Variants in SGMS1 observed in about 807,000 individuals in gnomAD.
SGMS1 encodes phosphatidylcholine:ceramide cholinephosphotransferase 1.
A neutral mutation model predicts 46.2 loss-of-function variants in SGMS1; 13 were observed. The ratio of observed to expected loss-of-function variants is 0.28; its 90% CI spans 0.18 to 0.45. The LOEUF is 0.45. Among genes scored for constraint, SGMS1 ranks in the 20% least tolerant of loss-of-function variants. The pLI, the probability that SGMS1 is intolerant of heterozygous loss-of-function variation, is 1.00. For synonymous variants in SGMS1, 203 were observed against 187.8 expected (o/e 1.08, Z -0.66); for missense variants, 324 against 519.9 (o/e 0.62, Z 3.66).
intron 6 of SGMS1, among the ~76,000 whole-genome samples, chr10:50,410,037 A>G (rs1031200979): frequency 6.6e-6 from 1 of 152,206 alleles, no homozygotes; most frequent in Non-Finnish European, 1.5e-5. Flanking sequence ...AATTTAAATG[A>G]GAATTATAGG....
intron 2 of SGMS1, among the ~76,000 whole-genome samples, chr10:50,552,677 GC>G (rs1204860351): frequency 1.3e-5 from 2 of 152,206 alleles, no homozygotes; most frequent in Non-Finnish European, 2.9e-5. Flanking sequence ...GCTAAATAGT[GC>G]CCCGTCCCCC....
At chr10:50,521,932 C>A (rs779219693) in intron 2 of SGMS1, among the ~76,000 whole-genome samples, 7 of 152,160 alleles carry the variant, frequency 4.6e-5, no homozygotes, top group Non-Finnish European at 1.0e-4. Context: ...AACAAGTAAT[C>A]TGTGGGAAGA....
At chr10:50,516,961 C>T (rs1837812116) in intron 3 of SGMS1, among the ~76,000 whole-genome samples, 2 of 151,966 alleles carry the variant, frequency 1.3e-5, no homozygotes, top group Admixed American at 1.3e-4. Flanking sequence ...TTGGAGTTGC[C>T]CTGGAGGTAA....
intron 6 of SGMS1, among the ~76,000 whole-genome samples, chr10:50,354,543 T>G (rs2133391597): frequency 6.6e-6 from 1 of 152,316 alleles, no homozygotes; most frequent in Middle Eastern, 3.4e-3. Flanking sequence ...AAGAACTTCA[T>G]GTCTAAAACA....
At chr10:50,406,704 C>CTTTTTTTTTTTTTTTTTTTT (rs11424535) in intron 6 of SGMS1, among the ~76,000 whole-genome samples, 1 of 145,034 alleles carries the variant, frequency 6.9e-6, no homozygotes. Flanking sequence ...AGCTATAATT[C>CTTTTTTTTTTTTTTTTTTTT]TTTTTTTTTT....
intron 6 of SGMS1, among the ~76,000 whole-genome samples, chr10:50,381,835 G>T (rs2133476971): frequency 6.6e-6 from 1 of 152,230 alleles, no homozygotes; most frequent in South Asian, 2.1e-4. Context: ...TACCACTCAG[G>T]GGGTTTAACT....
intron 1 of SGMS1, among the ~76,000 whole-genome samples, chr10:50,617,699 A>G (rs1838810789): frequency 6.6e-6 from 1 of 152,024 alleles, no homozygotes; most frequent in Admixed American, 6.6e-5. Context: ...CTCCCACCTC[A>G]GTCTCCCGAG....
chr10:50,603,020 G>A (rs1412569898), intron 1 of SGMS1, among the ~76,000 whole-genome samples: 1 of 152,248 alleles, frequency 6.6e-6, no homozygotes, highest in Non-Finnish European at 1.5e-5. Context: ...TTCTCAGCCA[G>A]TCTAGGCTGT....
rs867961275 is a variant in SGMS1 at position 50,580,622 on chromosome 10, A to C, written c.-589+9531T>G. Among the ~76,000 whole-genome samples the C allele has an allele frequency of 5.3e-5, 8 of 152,302 alleles. 1 individual carries two copies. The South Asian group carries it at 1.0e-3, about 20-fold the overall frequency. On this transcript the variant is annotated intron_variant, in intron 2 of 10. Transcript: ENST00000361781. ...TGGGCAACTATAGGGAGAGAGCCAA[A>C]TTGAGTTTTGGAGTTCAGTGGCTCT...
intron 5 of SGMS1, among the ~76,000 whole-genome samples, chr10:50,455,971 C>A (rs148997869): frequency 1.3e-5 from 2 of 152,108 alleles, no homozygotes; most frequent in Non-Finnish European, 2.9e-5. Flanking sequence ...TCTATGGAAA[C>A]CACTATCATA....
At chr10:50,309,436 A>G (rs1162180208) in intron 9 of SGMS1, among the ~76,000 whole-genome samples, 2 of 152,204 alleles carry the variant, frequency 1.3e-5, no homozygotes, top group African/African-American at 4.8e-5. Flanking sequence ...AGAGCTAGTA[A>G]GTGATAGTAC....
rs143365218 is a variant in SGMS1, at chr10:50,388,543, G to A, written c.-231-44198C>T. ...GCCTGTAATCCTAGATACTCAGGAG[G>A]CAGAGGCTGCAGCGAGCTAAGTTCG... On this transcript the variant is annotated intron_variant, in intron 6 of 10. Transcript: ENST00000361781. Among the ~76,000 whole-genome samples the A allele has an allele frequency of 3.0e-4, 45 of 150,942 alleles. No individual in the cohort carries two copies. The East Asian group carries it at 7.8e-3, about 26-fold the overall frequency.
At chr10:50,438,710 C>T (rs1045711214) in intron 5 of SGMS1, among the ~76,000 whole-genome samples, 2 of 152,200 alleles carry the variant, frequency 1.3e-5, no homozygotes, top group Non-Finnish European at 2.9e-5. Context: ...ACATGTCCTT[C>T]TGAGAGAGGA....
intron 2 of SGMS1, among the ~76,000 whole-genome samples, chr10:50,542,547 T>C (rs1838062814): frequency 6.6e-6 from 1 of 151,346 alleles, no homozygotes; most frequent in Non-Finnish European, 1.5e-5. Flanking sequence ...ATGAATAACA[T>C]AAGTCCAAAT....
At chr10:50,515,195 T>C (rs1334966775) in intron 3 of SGMS1, among the ~76,000 whole-genome samples, 1 of 152,206 alleles carries the variant, frequency 6.6e-6, no homozygotes, top group East Asian at 1.9e-4. Flanking sequence ...AGGAACACGA[T>C]TGTGACTAAA....
chr10:50,330,714 CA>C (rs1295307637), intron 7 of SGMS1, among the ~76,000 whole-genome samples: 1 of 152,038 alleles, frequency 6.6e-6, no homozygotes, highest in Non-Finnish European at 1.5e-5. Context: ...AACTAAGCAA[CA>C]ATTCAAAACT....
At chr10:50,621,639 G>A (rs1838850935) in intron 1 of SGMS1, among the ~76,000 whole-genome samples, 1 of 152,220 alleles carries the variant, frequency 6.6e-6, no homozygotes, top group East Asian at 1.9e-4. Flanking sequence ...GTGTCCCTCT[G>A]ATGTCAATTT....
intron 2 of SGMS1, among the ~76,000 whole-genome samples, chr10:50,541,170 A>G (rs550761355): frequency 6.6e-6 from 1 of 152,326 alleles, no homozygotes; most frequent in African/African-American, 2.4e-5. Flanking sequence ...AGATCCAAAC[A>G]AAACACTAAT....
At chr10:50,322,246 T>C (rs1847457212) in intron 8 of SGMS1, among the ~76,000 whole-genome samples, 1 of 152,228 alleles carries the variant, frequency 6.6e-6, no homozygotes, top group Admixed American at 6.5e-5. Flanking sequence ...TCAAAGGTTT[T>C]CAAATCTAAG....
Sources: allele counts gnomAD v4.1 joint callset (sites outside exome capture counted in the v4.1 genomes callset), GRCh38; gene constraint gnomAD v4.1.1; transcripts MANE v1.5; gene names NCBI Gene and HGNC (gene_info 2026-07-23, HGNC 2026-07-21).